Variants in CTNNA2 observed in about 807,000 individuals in gnomAD.
The protein encoded by CTNNA2 is catenin alpha 2, also known as catenin alpha-2.
A neutral mutation model predicts 101.0 loss-of-function variants in CTNNA2; 42 were observed. The ratio of observed to expected loss-of-function variants is 0.42; its 90% CI spans 0.32 to 0.54. The LOEUF (loss-of-function observed/expected upper bound fraction) is 0.54. CTNNA2 is among the 20% of genes least tolerant of loss of function. The probability of loss-of-function intolerance (pLI) is 0.14; values close to 1 mark genes in which losing one functional copy is unlikely to be tolerated. For synonymous variants in CTNNA2, 450 were observed against 456.4 expected (o/e 0.99, Z 0.18); for missense variants, 871 against 1,223.1 (o/e 0.71, Z 4.29).
intron 2 of CTNNA2, among the ~76,000 whole-genome samples, chr2:79,223,794 A>G (rs1674375695): frequency 6.6e-6 from 1 of 152,226 alleles, no homozygotes; most frequent in South Asian, 2.1e-4. Context: ...AAATATATCT[A>G]TCTCCTTATT....
In CTNNA2 at chr2:80,438,981, T is replaced by C. The variant is rs75881062; in HGVS notation, c.1290+19380T>C. 4.2e-3 allele frequency among the ~76,000 whole-genome samples: 644 copies of C among 152,362 alleles called. 1 individual carries two copies. The highest frequency in any genetic ancestry group is 0.015 in the African/African-American group (613 of 41,582). On this transcript the variant is annotated intron_variant, in intron 9 of 18. Coordinates refer to ENST00000402739, the MANE Select transcript of CTNNA2 (RefSeq NM_001282597.3). ...GCTGCCATTCTCTGAAGCAGCCTGT[T>C]GCCACTGCTGCTGAGGGAATAGCTA...
chr2:79,206,693 A>G (rs1037609337), intron 2 of CTNNA2, among the ~76,000 whole-genome samples: 6 of 152,214 alleles, frequency 3.9e-5, no homozygotes, highest in Non-Finnish European at 7.3e-5. Flanking sequence ...AGACACAGTG[A>G]TAAGTTCAGT....
Position 80,303,409 on chromosome 2 carries a change from G to A in CTNNA2, c.1057-89802G>A. Reference sequence around the variant, plus strand: ...ACGAGAGGTCCACGCTGCGCAGGTTGGGCATGGGCCGGAAGGTGGTGTTGG... The same window carrying A: ...ACGAGAGGTCCACGCTGCGCAGGTTAGGCATGGGCCGGAAGGTGGTGTTGG... On this transcript the variant is annotated intron_variant, in intron 7 of 18. Transcript: ENST00000402739. This position sits in a 1 kb window ranked among gnomAD's most constrained non-coding sequence, Gnocchi z 7.7. The A allele has an allele frequency of 6.2e-7, 1 of 1,614,204 alleles. No homozygotes were observed. The highest frequency in any genetic ancestry group is 8.5e-7 in the Non-Finnish European group (1 of 1,180,038).
intron 6 of CTNNA2, among the ~76,000 whole-genome samples, chr2:79,893,990 T>TTTCTTCTTCTTCTTC (rs60336887): frequency 2.6e-5 from 3 of 114,798 alleles, no homozygotes; most frequent in Non-Finnish European, 5.4e-5. Context: ...CTTAGGCTGT[T>TTTCTTCTTCTTCTTC]TTCTTCTTCT....
At chr2:80,332,134 A>G (rs1484928463) in intron 7 of CTNNA2, among the ~76,000 whole-genome samples, 1 of 152,160 alleles carries the variant, frequency 6.6e-6, no homozygotes, top group Non-Finnish European at 1.5e-5. Flanking sequence ...CTTCTCACTT[A>G]CATGTCTTAG....
At chr2:80,501,932 C>T (rs545701545) in intron 9 of CTNNA2, among the ~76,000 whole-genome samples, 1 of 152,064 alleles carries the variant, frequency 6.6e-6, no homozygotes, top group African/African-American at 2.4e-5. Flanking sequence ...ATGCTGAACT[C>T]AAGATTGGAA....
intron 17 of CTNNA2, among the ~76,000 whole-genome samples, chr2:80,618,282 C>A (rs780970676): frequency 5.3e-5 from 8 of 151,760 alleles, no homozygotes; most frequent in Non-Finnish European, 1.2e-4. Context: ...AGTGACAGTG[C>A]ATTTTTTTAT....
chr2:80,009,372 A>AT (rs1693605594), intron 7 of CTNNA2, among the ~76,000 whole-genome samples: 1 of 152,024 alleles, frequency 6.6e-6, no homozygotes, highest in Non-Finnish European at 1.5e-5. Flanking sequence ...AAGCCAATAT[A>AT]TTTTTTACAG....
At chr2:80,487,723 C>G (rs957370171) in intron 9 of CTNNA2, among the ~76,000 whole-genome samples, 1 of 152,142 alleles carries the variant, frequency 6.6e-6, no homozygotes, top group Non-Finnish European at 1.5e-5. Flanking sequence ...TTATGTAAAC[C>G]TCTTTTGACT....
At chr2:79,824,740 AAT>A (rs1491343070) in intron 3 of CTNNA2, among the ~76,000 whole-genome samples, 2 of 152,198 alleles carry the variant, frequency 1.3e-5, no homozygotes, top group Non-Finnish European at 2.9e-5. Flanking sequence ...CCTAAAAATC[AAT>A]ATGATGCACT....
chr2:80,604,005 G>T, intron 15 of CTNNA2, 69 bp from the exon 16 acceptor site: 2 of 1,327,064 alleles, frequency 1.5e-6, no homozygotes, highest in East Asian at 2.4e-5. Flanking sequence ...CCTGGACAAA[G>T]GATATGGTAG....
At chr2:80,350,443 T>C (rs1268703707) in intron 7 of CTNNA2, among the ~76,000 whole-genome samples, 20 of 152,206 alleles carry the variant, frequency 1.3e-4, no homozygotes, top group Admixed American at 1.3e-3. Context: ...AAAATAATTA[T>C]GTAGACATGT....
chr2:79,660,571 C>A (rs537209659), intron 2 of CTNNA2, among the ~76,000 whole-genome samples: 4 of 151,572 alleles, frequency 2.6e-5, no homozygotes, highest in Admixed American at 2.6e-4. Context: ...GTATGTATAC[C>A]CAAAGTAGTT....
chr2:80,500,801 A>G (rs948842759), intron 9 of CTNNA2, among the ~76,000 whole-genome samples: 2 of 152,146 alleles, frequency 1.3e-5, no homozygotes, highest in Non-Finnish European at 2.9e-5. Context: ...GACTTCAGGA[A>G]CTTTGTTTTG....
At chr2:80,043,040 C>CCTCT (rs1491166122) in intron 7 of CTNNA2, among the ~76,000 whole-genome samples, 2 of 52,742 alleles carry the variant, frequency 3.8e-5, no homozygotes, top group Admixed American at 2.5e-4. Context: ...TCTTTCTTTC[C>CCTCT]TTCTTTCTTT....
chr2:79,909,866 A>C, intron 7 of CTNNA2, 69 bp downstream of exon 7: 5 of 1,433,118 alleles, frequency 3.5e-6, no homozygotes, highest in Non-Finnish European at 4.7e-6. Flanking sequence ...CTCTTTTGGA[A>C]GCATAGATAG....
chr2:80,059,414 T>G (rs1452876263), intron 7 of CTNNA2, among the ~76,000 whole-genome samples: 1 of 152,238 alleles, frequency 6.6e-6, no homozygotes, highest in Non-Finnish European at 1.5e-5. Context: ...AAACTCTGCC[T>G]TTGCAAGGAA....
chr2:79,876,131 A>G (rs1683007194), intron 6 of CTNNA2, among the ~76,000 whole-genome samples: 1 of 152,162 alleles, frequency 6.6e-6, no homozygotes, highest in Non-Finnish European at 1.5e-5. Context: ...TATTGATCCT[A>G]TCAGTTTTCA....
At chr2:80,591,969 AATGC>A (rs77528267) in intron 15 of CTNNA2, among the ~76,000 whole-genome samples, 7,359 of 152,184 alleles carry the variant, frequency 0.048, 447 homozygotes, top group African/African-American at 0.14. Context: ...GCATGGAGTG[AATGC>A]ATGCTTTTCT....
Sources: allele counts gnomAD v4.1 joint callset (sites outside exome capture counted in the v4.1 genomes callset), GRCh38; gene constraint gnomAD v4.1.1; non-coding constraint Gnocchi (gnomAD v3.1); transcripts MANE v1.5; gene names NCBI Gene and HGNC (gene_info 2026-07-23, HGNC 2026-07-21).